Variants in EPHX4 observed in about 807,000 individuals in gnomAD.
EPHX4 encodes the protein epoxide hydrolase 4.
A neutral mutation model predicts 44.9 loss-of-function variants in EPHX4; 31 were observed. The observed-to-expected ratio is 0.69, with a 90% CI of 0.52 to 0.93. The LOEUF (loss-of-function observed/expected upper bound fraction) is 0.93, where lower values mean the gene tolerates loss of function less well. Ranked by LOEUF, EPHX4 falls within the 40% of genes least tolerant of loss-of-function variation. The probability of loss-of-function intolerance (pLI) is 0.00; values close to 1 mark genes in which losing one functional copy is unlikely to be tolerated. For synonymous variants in EPHX4, 151 were observed against 159.7 expected (o/e 0.95, Z 0.41); for missense variants, 373 against 438.1 (o/e 0.85, Z 1.33).
At position 92,045,624 on chromosome 1, in the gene EPHX4, A is replaced by G. The variant is rs1478504679; in HGVS notation, c.568A>G (p.Ile190Val). ...TTATCCTGAAATGGTGATGAAGCTT[A>G]TTGTTATTAACTTCCCTCATCCAAA... ...ICYPEMVMKL[I>V]VINFPHPNVF... The change falls in exon 4 of 7, where the codon ATT becomes GTT. Residue 190 changes from isoleucine (I) to valine (V), a missense_variant. Transcript: ENST00000370383. 1.9e-6 allele frequency: 3 copies of G among 1,613,908 alleles called. No individual in the cohort carries two copies. The African/African-American group carries it at 4.0e-5, about 22-fold the overall frequency.
At chr1:92,041,803 G>T (rs1229636591) in intron 2 of EPHX4, among the ~76,000 whole-genome samples, 1 of 152,180 alleles carries the variant, frequency 6.6e-6, no homozygotes, top group Non-Finnish European at 1.5e-5. Context: ...CACTTTGGGA[G>T]GCTGAAGTGG....
chr1:92,054,813 G>T (rs1647328513), intron 6 of EPHX4, among the ~76,000 whole-genome samples: 1 of 152,034 alleles, frequency 6.6e-6, no homozygotes, highest in Admixed American at 6.6e-5. Context: ...TATGGTCATT[G>T]AAATCTAGAA....
chr1:92,030,485 T>TGTGTGTGTGTGTGTGTGTGAGTGAGA (rs1326928763), intron 1 of EPHX4, among the ~76,000 whole-genome samples, 175 bp downstream of exon 1: 1 of 138,720 alleles, frequency 7.2e-6, no homozygotes, highest in Admixed American at 7.0e-5. Flanking sequence ...TGTGTGTGTG[T>TGTGTGTGTGTGTGTGTGTGAGTGAGA]GAGAGAGAGA....
At chr1:92,047,222 A>G (rs1469138025) in intron 4 of EPHX4, among the ~76,000 whole-genome samples, 1 of 152,138 alleles carries the variant, frequency 6.6e-6, no homozygotes, top group Admixed American at 6.6e-5. Flanking sequence ...TCATTCTTTC[A>G]AGTAAAATAA....
At position 92,037,677 on chromosome 1, in the gene EPHX4, AGAG is replaced by A. The variant is rs559063427; in HGVS notation, c.317+5096_317+5098del. ...CAACTGTGGCATTTCTCTGTGGTAA[AGAG>A]GAGGAGGATAGTCTACATCTGAAAG... On this transcript the variant is annotated intron_variant, in intron 2 of 6. Transcript: ENST00000370383. Among the ~76,000 whole-genome samples the A allele has an allele frequency of 1.6e-4, 24 of 152,312 alleles. No individual in the cohort carries two copies. The South Asian group carries it at 5.0e-3, about 32-fold the overall frequency.
At position 92,030,237 on chromosome 1, in the gene EPHX4, G is replaced by T; in HGVS notation, c.158G>T (p.Arg53Leu). ...AAGGGGCCGGCGCAGACCTTCCGGC[G>T]GCCCGCCCGGGAGCACCCTCCCGCG... ...LGKGPAQTFR[R>L]PAREHPPACL... Residue 53 changes from arginine to leucine, a missense_variant, in exon 1 of 7, where the codon CGG becomes CTG. Arg to Leu is a moderately radical substitution (Grantham distance 102). Coordinates refer to ENST00000370383, the MANE Select transcript of EPHX4 (RefSeq NM_173567.5). 1 of 1,603,184 alleles carries T rather than the reference G, an allele frequency of 6.2e-7. No homozygotes were observed. The highest frequency in any genetic ancestry group is 8.5e-7 in the Non-Finnish European group (1 of 1,175,102).
At chr1:92,043,240 T>C in intron 3 of EPHX4, 1 of 255,810 alleles carries the variant, frequency 3.9e-6, no homozygotes. Context: ...GCCCGGGTGC[T>C]GTGGCTTGCG....
chr1:92,031,937 C>T (rs1688367810), intron 1 of EPHX4, among the ~76,000 whole-genome samples: 1 of 152,046 alleles, frequency 6.6e-6, no homozygotes, highest in Admixed American at 6.6e-5. Flanking sequence ...ACATGCAACA[C>T]TCAAAATAAT....
chr1:92,051,967 C>T (rs376792517), intron 5 of EPHX4, among the ~76,000 whole-genome samples: 3 of 152,084 alleles, frequency 2.0e-5, no homozygotes, highest in South Asian at 4.1e-4. Flanking sequence ...GATATATGCT[C>T]ATTCTTTTTC....
At chr1:92,034,663 A>G (rs1474661344) in intron 2 of EPHX4, among the ~76,000 whole-genome samples, 2 of 135,320 alleles carry the variant, frequency 1.5e-5, no homozygotes, top group Non-Finnish European at 3.1e-5. Flanking sequence ...TTTTTTTTTT[A>G]AACAGTCTTG....
At chr1:92,057,233 A>G (rs985064846) in intron 6 of EPHX4, among the ~76,000 whole-genome samples, 9 of 152,052 alleles carry the variant, frequency 5.9e-5, no homozygotes, top group African/African-American at 2.2e-4. Flanking sequence ...AATAGAGATA[A>G]GTGGCAAAAC....
At chr1:92,036,034 G>A (rs1688432483) in intron 2 of EPHX4, among the ~76,000 whole-genome samples, 1 of 152,154 alleles carries the variant, frequency 6.6e-6, no homozygotes, top group South Asian at 2.1e-4. Context: ...ATTCAAGAGG[G>A]TGTTAACAAA....
At position 92,051,043 on chromosome 1, in the gene EPHX4, G is replaced by A. The variant is rs1187597290; in HGVS notation, c.708+623G>A. On this transcript the variant is annotated intron_variant, in intron 5 of 6. Transcript: ENST00000370383. Reference sequence around the variant, plus strand: ...AGACTGGGTTTTACCATGTTGCCCAGGCTGGTCTGAAACTCCTGGCCTCAA... The same window carrying A: ...AGACTGGGTTTTACCATGTTGCCCAAGCTGGTCTGAAACTCCTGGCCTCAA... 2.0e-5 allele frequency among the ~76,000 whole-genome samples: 3 copies of A among 151,960 alleles called. No homozygotes were observed. The East Asian group carries it at 5.8e-4, about 29-fold the overall frequency.
Position 92,052,519 on chromosome 1 carries a change from C to T in EPHX4, c.718C>T (p.His240Tyr), listed in dbSNP as rs772321209. ...TTCTCACTTAAATTAGGTTTTGAAACATCTGTTTACCAGTCACAGCACTGG... is the reference window on the plus strand; with the variant it reads ...TTCTCACTTAAATTAGGTTTTGAAATATCTGTTTACCAGTCACAGCACTGG... The part of the protein sequence containing the change: ...FSINDFKVLK[H>Y]LFTSHSTGIG... The change falls in exon 6 of 7, where the codon CAT becomes TAT. Residue 240 changes from histidine (H) to tyrosine (Y), a missense_variant. His to Tyr is a moderately conservative substitution (Grantham distance 83, BLOSUM62 2). Transcript: ENST00000370383. The T allele has an allele frequency of 3.1e-6, 5 of 1,597,292 alleles. No individual in the cohort carries two copies. Among genetic ancestry groups the T allele is most frequent in the African/African-American group, 1.4e-5 (1 of 73,940 alleles).
chr1:92,035,341 G>A (rs1688422796), intron 2 of EPHX4, among the ~76,000 whole-genome samples: 1 of 152,156 alleles, frequency 6.6e-6, no homozygotes, highest in Non-Finnish European at 1.5e-5. Context: ...GCCTAACATA[G>A]CATGGGCAGT....
intron 2 of EPHX4, among the ~76,000 whole-genome samples, chr1:92,033,375 A>G (rs1278026670): frequency 6.6e-6 from 1 of 152,144 alleles, no homozygotes; most frequent in Non-Finnish European, 1.5e-5. Flanking sequence ...GTATCTTTTA[A>G]TGTTTCAAAT....
At chr1:92,043,224 C>A in intron 3 of EPHX4, 1 of 312,880 alleles carries the variant, frequency 3.2e-6, no homozygotes, top group Non-Finnish European at 5.9e-6. Context: ...AAACATAGAC[C>A]TAATGGCCCG....
intron 6 of EPHX4, among the ~76,000 whole-genome samples, chr1:92,057,760 C>T (rs994269835): frequency 8.6e-5 from 13 of 152,022 alleles, no homozygotes; most frequent in African/African-American, 1.7e-4. Context: ...CCACCGTGTC[C>T]GGCTAATTTT....
intron 4 of EPHX4, among the ~76,000 whole-genome samples, chr1:92,047,537 A>G (rs1688599166): frequency 6.6e-6 from 1 of 152,238 alleles, no homozygotes; most frequent in South Asian, 2.1e-4. Flanking sequence ...TTAATTACAT[A>G]GAATATTAAA....
Sources: allele counts gnomAD v4.1 joint callset (sites outside exome capture counted in the v4.1 genomes callset), GRCh38; gene constraint gnomAD v4.1.1; transcripts MANE v1.5; gene names NCBI Gene and HGNC (gene_info 2026-07-23, HGNC 2026-07-21).